The following EPHA6 variants were observed in gnomAD, a reference collection of about 807,000 sequenced individuals.
EPHA6 encodes ephrin type-A receptor 6.
Under a neutral mutation model 112.0 loss-of-function variants are expected in EPHA6, and 50 were observed. The observed-to-expected ratio is 0.45, with a 90% CI of 0.36 to 0.56. The LOEUF (loss-of-function observed/expected upper bound fraction) is 0.56, where lower values mean the gene tolerates loss of function less well. Among genes scored for constraint, EPHA6 ranks in the 20% least tolerant of loss-of-function variants. EPHA6 has a pLI of 0.00. For missense variants in EPHA6, 1,280 were observed against 1,417.4 expected, an observed-to-expected ratio of 0.90 and a Z score of 1.56; for synonymous variants, 529 against 490.7, an observed-to-expected ratio of 1.08 and a Z score of -1.03.
chr3:97,209,981 A>G (rs1175836370), intron 3 of EPHA6, among the ~76,000 whole-genome samples: 1 of 152,214 alleles, frequency 6.6e-6, no homozygotes, highest in Non-Finnish European at 1.5e-5. Flanking sequence ...AAGTTGTGTA[A>G]TACATTTTTA....
intron 3 of EPHA6, among the ~76,000 whole-genome samples, chr3:97,097,944 C>G (rs754112023): frequency 3.3e-5 from 5 of 151,776 alleles, no homozygotes; most frequent in Admixed American, 1.3e-4. Context: ...CTACTCCTGT[C>G]AAATTAAAAT....
At chr3:97,223,880 G>T (rs1010156273) in intron 3 of EPHA6, among the ~76,000 whole-genome samples, 5 of 152,060 alleles carry the variant, frequency 3.3e-5, no homozygotes, top group Non-Finnish European at 7.4e-5. Context: ...AAAAATTTTT[G>T]AATAGAAGAA....
chr3:97,227,338 A>C (rs576841545), intron 4 of EPHA6, among the ~76,000 whole-genome samples: 1 of 151,542 alleles, frequency 6.6e-6, no homozygotes, highest in Admixed American at 6.6e-5. Context: ...CTCCTGCCTC[A>C]GCTTCCTGAG....
At chr3:96,936,531 T>G (rs2040591889) in intron 2 of EPHA6, among the ~76,000 whole-genome samples, 1 of 151,890 alleles carries the variant, frequency 6.6e-6, no homozygotes, top group South Asian at 2.1e-4. Flanking sequence ...TTCTTTTTGT[T>G]CTGTACTTCA....
intron 6 of EPHA6, among the ~76,000 whole-genome samples, chr3:97,445,019 T>A (rs554529596): frequency 6.6e-6 from 1 of 152,200 alleles, no homozygotes; most frequent in South Asian, 2.1e-4. Flanking sequence ...TAGAGAACAG[T>A]ATATGCCTGC....
chr3:97,663,781 G>A lies in EPHA6; in HGVS notation c.2784+25699G>A, dbSNP rs560925444. ...CCAAGTCTTTGCTATTGTGAATAGT[G>A]TCACAATAAATATACGTGTGTATGT... On this transcript the variant is annotated intron_variant, in intron 14 of 17. Coordinates refer to ENST00000389672, the MANE Select transcript of EPHA6 (RefSeq NM_001080448.3). 1.7e-4 allele frequency among the ~76,000 whole-genome samples: 26 copies of A among 152,234 alleles called. 1 individual carries two copies. In the South Asian group the frequency reaches 5.2e-3, roughly 30 times the overall value.
intron 5 of EPHA6, among the ~76,000 whole-genome samples, chr3:97,331,281 C>T (rs2082784891): frequency 6.6e-6 from 1 of 151,760 alleles, no homozygotes; most frequent in Admixed American, 6.6e-5. Flanking sequence ...CACTAAATGC[C>T]CACAAGAGAA....
Position 97,747,471 on chromosome 3 carries a change from A to G in EPHA6, c.3177A>G (p.Thr1059=). Residue 1059 remains threonine (T), a synonymous_variant, in exon 17 of 18, where the codon ACA becomes ACG. Transcript: ENST00000389672. ...GEVPEYPLFV[T]VGDWLDSIKM... ...TTCCGGAATATCCTTTGTTTGTCAC[A>G]GTTGGTGACTGGCTAGATTCTATAA... 1 of 1,604,234 alleles carries G rather than the reference A, an allele frequency of 6.2e-7. No homozygotes were observed. Among genetic ancestry groups the G allele is most frequent in the Non-Finnish European group, 8.5e-7 (1 of 1,174,984 alleles).
rs186491698 is a variant in EPHA6 at position 97,146,647 on chromosome 3, T to G, written c.1115-79617T>G. 3.0e-3 allele frequency among the ~76,000 whole-genome samples: 449 copies of G among 152,050 alleles called. 2 individuals are homozygous for G. The highest frequency in any genetic ancestry group is 0.01 in the African/African-American group (417 of 41,536). On this transcript the variant is annotated intron_variant, in intron 3 of 17. Coordinates refer to ENST00000389672, the MANE Select transcript of EPHA6 (RefSeq NM_001080448.3). ...TAAGCAGAAATTTTAAAATGATGCCTCCTCTTCTTTTTAAAAAATTTTTCA... is the reference window on the plus strand; with the variant it reads ...TAAGCAGAAATTTTAAAATGATGCCGCCTCTTCTTTTTAAAAAATTTTTCA...
At chr3:97,500,358 G>T (rs1219514979) in intron 10 of EPHA6, among the ~76,000 whole-genome samples, 1 of 152,110 alleles carries the variant, frequency 6.6e-6, no homozygotes, top group Non-Finnish European at 1.5e-5. Flanking sequence ...GCTGACACCT[G>T]CTCAGCTTCT....
chr3:96,967,779 G>A (rs2042177689), intron 2 of EPHA6, among the ~76,000 whole-genome samples: 1 of 151,864 alleles, frequency 6.6e-6, no homozygotes, highest in Non-Finnish European at 1.5e-5. Flanking sequence ...AGGAGACTGA[G>A]TGCTACCAAG....
chr3:97,115,090 C>T (rs1335758739), intron 3 of EPHA6, among the ~76,000 whole-genome samples: 1 of 151,814 alleles, frequency 6.6e-6, no homozygotes, highest in Non-Finnish European at 1.5e-5. Flanking sequence ...TGTGATAGGA[C>T]AAAAATGTAA....
chr3:96,954,858 A>G (rs1487868350), intron 2 of EPHA6, among the ~76,000 whole-genome samples: 4 of 132,360 alleles, frequency 3.0e-5, no homozygotes, highest in African/African-American at 5.9e-5. Context: ...CAGTGGCGCA[A>G]TCTCGGCTCA....
intron 2 of EPHA6, among the ~76,000 whole-genome samples, chr3:96,942,211 A>G (rs1426861705): frequency 2.6e-5 from 4 of 152,210 alleles, no homozygotes; most frequent in African/African-American, 9.6e-5. Flanking sequence ...CTGCCCCCAG[A>G]GGTGGAGCCT....
At chr3:97,613,861 T>C (rs570008793) in intron 13 of EPHA6, among the ~76,000 whole-genome samples, 12 of 152,314 alleles carry the variant, frequency 7.9e-5, no homozygotes, top group African/African-American at 2.2e-4. Flanking sequence ...ATGTATTTTC[T>C]CTAATTTCAC....
At chr3:96,919,834 C>G (rs947961747) in intron 2 of EPHA6, among the ~76,000 whole-genome samples, 4 of 151,616 alleles carry the variant, frequency 2.6e-5, no homozygotes, top group Non-Finnish European at 5.9e-5. Context: ...TTTAACTTTA[C>G]AGGAGGAGAA....
chr3:97,716,422 G>T (rs111549338), intron 14 of EPHA6, among the ~76,000 whole-genome samples: 2 of 140,762 alleles, frequency 1.4e-5, no homozygotes, highest in Non-Finnish European at 3.0e-5. Flanking sequence ...CAAAAAATTA[G>T]CCGGGCGCGG....
intron 17 of EPHA6, among the ~76,000 whole-genome samples, 161 bp from the exon 18 acceptor site, chr3:97,748,426 T>A (rs1164884644): frequency 6.6e-6 from 1 of 152,126 alleles, no homozygotes; most frequent in Non-Finnish European, 1.5e-5. Context: ...AGCTACACTA[T>A]TTTTGGTAAC....
At chr3:97,669,405 G>A (rs894830084) in intron 14 of EPHA6, among the ~76,000 whole-genome samples, 2 of 151,128 alleles carry the variant, frequency 1.3e-5, no homozygotes, top group South Asian at 2.1e-4. Context: ...TCATGATCTA[G>A]AATCATATTT....
Sources: gnomAD v4.1 joint callset for allele counts (sites outside exome capture counted in the v4.1 genomes callset) on GRCh38, gnomAD v4.1.1 for gene constraint, MANE v1.5 for transcripts, NCBI Gene and HGNC (gene_info 2026-07-23, HGNC 2026-07-21) for gene names.